Variants in SERINC5 observed in about 807,000 individuals in gnomAD.
SERINC5 encodes serine incorporator 5.
A neutral mutation model predicts 63.1 loss-of-function variants in SERINC5; 41 were observed. The ratio of observed to expected loss-of-function variants is 0.65; its 90% confidence interval spans 0.51 to 0.84. The LOEUF is 0.84. Among genes scored for constraint, SERINC5 ranks in the 40% least tolerant of loss-of-function variants. SERINC5 has a pLI of 0.00. For synonymous variants in SERINC5, 222 were observed against 215.2 expected (o/e 1.03, Z -0.28); for missense variants, 523 against 573.0 (o/e 0.91, Z 0.89).
At chr5:80,220,711 A>G (rs912430154) in intron 1 of SERINC5, among the ~76,000 whole-genome samples, 1 of 151,850 alleles carries the variant, frequency 6.6e-6, no homozygotes, top group Non-Finnish European at 1.5e-5. Context: ...CCCTCCATGG[A>G]GAGAAAGGAA....
chr5:80,183,451 C>G (rs1252062671), intron 2 of SERINC5, among the ~76,000 whole-genome samples: 1 of 152,128 alleles, frequency 6.6e-6, no homozygotes. Flanking sequence ...CAGGAAGTGT[C>G]AGGCCTCTGA....
In SERINC5 at chr5:80,139,201, A is replaced by T. The variant is rs1030847128; in HGVS notation, c.*4462T>A. On this transcript the variant is annotated 3_prime_UTR_variant, in exon 12 of 12. Coordinates refer to ENST00000507668, the MANE Select transcript of SERINC5 (RefSeq NM_001174072.3). ...AAAAGTTTAAAAAATTAGCAAAGTT[A>T]TATCTATAAAACTTTTGTAGTTTTC... The T allele has an allele frequency of 1.0e-6, 1 of 977,622 alleles. No individual in the cohort carries two copies. The highest frequency in any genetic ancestry group is 1.2e-6 in the Non-Finnish European group (1 of 822,796). 60.6% of individuals were successfully genotyped at this position (977,622 alleles called of 1,614,324 possible).
chr5:80,227,670 G>A (rs1049564897), intron 1 of SERINC5, among the ~76,000 whole-genome samples: 2 of 151,596 alleles, frequency 1.3e-5, no homozygotes, highest in African/African-American at 4.8e-5. Context: ...GATTTTTGCA[G>A]TCAATCATTT....
intron 1 of SERINC5, among the ~76,000 whole-genome samples, chr5:80,250,999 G>A (rs1467093004): frequency 6.6e-6 from 1 of 152,084 alleles, no homozygotes; most frequent in Non-Finnish European, 1.5e-5. Context: ...GTCCCGCTTT[G>A]TTTATCTTTG....
intron 1 of SERINC5, among the ~76,000 whole-genome samples, chr5:80,249,157 A>C (rs1350249683): frequency 7.2e-5 from 11 of 152,120 alleles, no homozygotes; most frequent in Non-Finnish European, 1.5e-4. Context: ...TACTAAAAAT[A>C]CAAAAAAATT....
chr5:80,159,529 T>C (rs564767732), intron 7 of SERINC5, among the ~76,000 whole-genome samples: 3 of 152,252 alleles, frequency 2.0e-5, no homozygotes, highest in African/African-American at 7.2e-5. Flanking sequence ...CTAAAATCTT[T>C]GAAATCTCCA....
intron 1 of SERINC5, among the ~76,000 whole-genome samples, chr5:80,228,062 T>C (rs1431205510): frequency 2.3e-5 from 3 of 131,372 alleles, no homozygotes; most frequent in Non-Finnish European, 4.9e-5. Flanking sequence ...TCTCTACAAA[T>C]AATATGAAAA....
intron 11 of SERINC5, among the ~76,000 whole-genome samples, chr5:80,144,419 AAG>A (rs1294687497): frequency 2.0e-5 from 3 of 152,230 alleles, no homozygotes; most frequent in Non-Finnish European, 2.9e-5. Flanking sequence ...TTAATTGTTT[AAG>A]GAGATGCCAA....
chr5:80,176,383 A>G (rs1383806626), intron 4 of SERINC5, among the ~76,000 whole-genome samples: 2 of 152,220 alleles, frequency 1.3e-5, no homozygotes, highest in Non-Finnish European at 2.9e-5. Context: ...ATACATAACT[A>G]TATGAAGGAT....
At chr5:80,183,060 A>C in intron 2 of SERINC5, among the ~76,000 whole-genome samples, 1 of 152,210 alleles carries the variant, frequency 6.6e-6, no homozygotes, top group African/African-American at 2.4e-5. Flanking sequence ...AAGCTAGAAC[A>C]CCTTTGGCTA....
At chr5:80,231,044 C>T (rs1243050303) in intron 1 of SERINC5, among the ~76,000 whole-genome samples, 1 of 152,134 alleles carries the variant, frequency 6.6e-6, no homozygotes, top group African/African-American at 2.4e-5. Flanking sequence ...TTCAAGCAGT[C>T]CTCCTACCTC....
rs777568982 is a variant in SERINC5, at chr5:80,122,212, T to TATATATATATATATATATATATATATAA, written c.1239-8588_1239-8587insTTATATATATATATATATATATATATAT. 4.6e-4 allele frequency among the ~76,000 whole-genome samples: 65 copies of TATATATATATATATATATATATATATAA among 142,580 alleles called. 4 individuals are homozygous for TATATATATATATATATATATATATATAA. The highest frequency in any genetic ancestry group is 2.9e-3 in the South Asian group (13 of 4,540). The allele number at this position is 142,580 out of a possible 152,430, so 93.5% of individuals were successfully genotyped here. ...AGAACTAATAGTATATATATATATA[T>TATATATATATATATATATATATATATAA]AATATGAGTTTATTAAATATTAGCT... On this transcript the variant is annotated intron_variant, in intron 11 of 12. Coordinates refer to the SERINC5 transcript ENST00000509193.
chr5:80,191,063 T>TAAG (rs1749153105), intron 2 of SERINC5, among the ~76,000 whole-genome samples: 1 of 151,720 alleles, frequency 6.6e-6, no homozygotes, highest in Non-Finnish European at 1.5e-5. Context: ...CCACTTGTAC[T>TAAG]AAGTGCCACT....
chr5:80,139,889 T>C lies in SERINC5; in HGVS notation c.*3774A>G. On this transcript the variant is annotated 3_prime_UTR_variant, in exon 12 of 12. Transcript: ENST00000507668. ...TTCGTTTCCAAGAGGTATAGGACAC[T>C]AGAGTACACCAAATGAGATACTATT... 1.0e-6 allele frequency: 1 copy of C among 985,310 alleles called. No individual in the cohort carries two copies. Among genetic ancestry groups the C allele is most frequent in the Non-Finnish European group, 1.2e-6 (1 of 829,906 alleles). The allele number at this position is 985,310 out of a possible 1,614,324, so 61.0% of individuals were successfully genotyped here. A position where few individuals can be genotyped will look rare whatever the true frequency, so the allele number is the denominator to read the frequency against.
Position 80,162,024 on chromosome 5 carries a change from T to A in SERINC5, c.860-3062A>T, listed in dbSNP as rs149859422. 3.9e-5 allele frequency among the ~76,000 whole-genome samples: 6 copies of A among 152,340 alleles called. No homozygotes were observed. The East Asian group carries it at 1.2e-3, about 29-fold the overall frequency. On this transcript the variant is annotated intron_variant, in intron 7 of 11. Transcript: ENST00000507668. ...TTGTCAAAGACCAGATGGCTATAAA[T>A]ATGTGGCTTTACTTCTGGGTTCTCT...
intron 1 of SERINC5, among the ~76,000 whole-genome samples, chr5:80,222,318 C>G: frequency 6.6e-6 from 1 of 152,114 alleles, no homozygotes; most frequent in East Asian, 1.9e-4. Context: ...GCCACTGTTT[C>G]AAAGCAATTT....
chr5:80,152,943 A>G (rs1057361122), intron 8 of SERINC5, among the ~76,000 whole-genome samples: 2 of 152,226 alleles, frequency 1.3e-5, no homozygotes, highest in African/African-American at 4.8e-5. Flanking sequence ...CTCTGTCTCA[A>G]AAAGAAAAAC....
intron 1 of SERINC5, among the ~76,000 whole-genome samples, chr5:80,248,938 C>T (rs1040021675): frequency 1.3e-5 from 2 of 152,152 alleles, no homozygotes; most frequent in Admixed American, 1.3e-4. Flanking sequence ...TACTTTTGTC[C>T]TTTTGGGAAT....
intron 1 of SERINC5, among the ~76,000 whole-genome samples, chr5:80,215,030 G>A (rs1288113191): frequency 6.6e-6 from 1 of 152,136 alleles, no homozygotes; most frequent in Non-Finnish European, 1.5e-5. Context: ...AGAATTTGAA[G>A]CAATTAAAAA....
Sources: allele counts gnomAD v4.1 joint callset (sites outside exome capture counted in the v4.1 genomes callset), GRCh38; gene constraint gnomAD v4.1.1; transcripts MANE v1.5; gene names NCBI Gene and HGNC (gene_info 2026-07-23, HGNC 2026-07-21).